Variants in INO80 observed in about 807,000 individuals in gnomAD.
The protein encoded by INO80 is INO80 complex ATPase subunit, also known as chromatin-remodeling ATPase INO80.
A neutral mutation model predicts 203.4 loss-of-function variants in INO80; 20 were observed. The ratio of observed to expected loss-of-function variants is 0.10; its 90% CI spans 0.07 to 0.14. INO80 has a LOEUF of 0.14. INO80 is among the 10% of genes least tolerant of loss of function. INO80 has a pLI of 1.00. For missense variants in INO80, 1,419 were observed against 1,914.4 expected (o/e 0.74, Z 4.83); for synonymous variants, 726 against 685.2 (o/e 1.06, Z -0.93).
intron 29 of INO80, among the ~76,000 whole-genome samples, chr15:40,994,770 T>C (rs913320111): frequency 1.3e-5 from 2 of 152,234 alleles, no homozygotes; most frequent in African/African-American, 4.8e-5. Context: ...CTTTGTTTTG[T>C]TGCATGCTGA....
At chr15:41,056,546 G>C (rs2044987831) in intron 17 of INO80, 76 bp downstream of exon 17, 1 of 1,143,716 alleles carries the variant, frequency 8.7e-7, no homozygotes, top group African/African-American at 1.5e-5. Flanking sequence ...CAAGGGAATG[G>C]GTAAAGAATT....
chr15:40,988,381 T>C (rs904548735), intron 29 of INO80, among the ~76,000 whole-genome samples: 2 of 152,230 alleles, frequency 1.3e-5, no homozygotes, highest in Admixed American at 1.3e-4. Context: ...CTGTTAAGAC[T>C]CACATATTTT....
chr15:41,087,410 C>T (rs2140644161), intron 6 of INO80, 152 bp downstream of exon 6: 1 of 811,978 alleles, frequency 1.2e-6, no homozygotes, highest in East Asian at 2.6e-5. Context: ...AAAGGGAAAA[C>T]TGTACTTGCT....
chr15:41,072,698 T>A (rs2045342446), intron 11 of INO80, among the ~76,000 whole-genome samples: 1 of 150,032 alleles, frequency 6.7e-6, no homozygotes, highest in Admixed American at 6.6e-5. Flanking sequence ...AGCAAGTTAT[T>A]ACTTAAGTGA....
At chr15:41,066,022 T>A (rs2045206680) in intron 14 of INO80, among the ~76,000 whole-genome samples, 1 of 149,906 alleles carries the variant, frequency 6.7e-6, no homozygotes, top group South Asian at 2.1e-4. Flanking sequence ...GACAGAGTTG[T>A]GCTCTTGTTG....
At chr15:41,069,902 T>C (rs2045283623) in intron 13 of INO80, among the ~76,000 whole-genome samples, 1 of 152,258 alleles carries the variant, frequency 6.6e-6, no homozygotes, top group Non-Finnish European at 1.5e-5. Flanking sequence ...TTATAGGTCT[T>C]ATCCACAAAG....
intron 25 of INO80, among the ~76,000 whole-genome samples, chr15:41,027,059 G>C (rs567895694): frequency 3.3e-5 from 5 of 152,324 alleles, no homozygotes; most frequent in Non-Finnish European, 7.4e-5. Flanking sequence ...CTTTTCAGAT[G>C]GAACAGACAT....
chr15:40,983,107 G>GAAAAAAA, intron 34 of INO80, 30 bp from the exon 35 acceptor site: 1 of 1,176,430 alleles, frequency 8.5e-7, no homozygotes, highest in Non-Finnish European at 1.2e-6. Context: ...AAAAGGGAAA[G>GAAAAAAA]AAAAAAAAAA....
chr15:41,004,535 C>G lies in INO80; in HGVS notation c.3497+1058G>C, dbSNP rs184342694. On this transcript the variant is annotated intron_variant, in intron 28 of 35. Coordinates refer to ENST00000648947, the MANE Select transcript of INO80 (RefSeq NM_017553.3). ...TGCTTTATTCCTTGGCTCTCCAGGT[C>G]TAAGGAGGAAAACTGAAGACGAAGT... 1.7e-4 allele frequency: 26 copies of G among 152,268 alleles called. No homozygotes were observed. The East Asian group carries it at 5.0e-3, about 29-fold the overall frequency. The allele number at this position is 152,268 out of a possible 1,614,324, so 9.4% of individuals were successfully genotyped here.
Position 41,091,583 on chromosome 15 carries a change from T to C in INO80, c.537+444A>G, listed in dbSNP as rs145226732. 3.5e-3 allele frequency among the ~76,000 whole-genome samples: 529 copies of C among 151,980 alleles called. 3 individuals carry two copies. Among genetic ancestry groups the C allele is most frequent in the African/African-American group, 0.012 (511 of 41,444 alleles). On this transcript the variant is annotated intron_variant, in intron 5 of 35. Coordinates refer to ENST00000648947, the MANE Select transcript of INO80 (RefSeq NM_017553.3). ...CCCTTCCTGTGTCCATGTGTTCTCA[T>C]TGTTCAGCTCCCACTTACACTCACT... is the stretch of plus-strand genomic sequence containing the variant.
intron 1 of INO80, among the ~76,000 whole-genome samples, chr15:41,102,055 G>C (rs1455163851): frequency 2.6e-5 from 4 of 152,020 alleles, no homozygotes; most frequent in African/African-American, 9.7e-5. Flanking sequence ...GCTGGGCTTG[G>C]TGGCACGCAC....
At chr15:41,100,371 G>A (rs538005327) in intron 1 of INO80, among the ~76,000 whole-genome samples, 1 of 152,292 alleles carries the variant, frequency 6.6e-6, no homozygotes, top group South Asian at 2.1e-4. Context: ...ACTGTGCCCG[G>A]CCAATGAATG....
At chr15:41,046,061 C>T (rs2044752909) in intron 23 of INO80, among the ~76,000 whole-genome samples, 1 of 151,384 alleles carries the variant, frequency 6.6e-6, no homozygotes, top group Non-Finnish European at 1.5e-5. Context: ...CTAAATGAAT[C>T]ACCAGCCTCC....
chr15:41,089,293 CA>C (rs1393246759), intron 5 of INO80, among the ~76,000 whole-genome samples: 1 of 152,180 alleles, frequency 6.6e-6, no homozygotes, highest in African/African-American at 2.4e-5. Context: ...CTTTTTACAT[CA>C]AAAGGGTCAG....
intron 1 of INO80, among the ~76,000 whole-genome samples, chr15:41,112,082 G>A (rs2045966662): frequency 6.6e-6 from 1 of 152,028 alleles, no homozygotes; most frequent in Non-Finnish European, 1.5e-5. Context: ...TTTATTTTCT[G>A]TAGAGATGAG....
chr15:41,070,099 C>CT (rs2045287155), intron 13 of INO80, among the ~76,000 whole-genome samples: 1 of 152,146 alleles, frequency 6.6e-6, no homozygotes, highest in Non-Finnish European at 1.5e-5. Flanking sequence ...GAAGAGGAAA[C>CT]TAAGCCTCAG....
At position 40,980,142 on chromosome 15, in the gene INO80, C is replaced by G; in HGVS notation, c.*81G>C. ...CTGACTCAGGATGCAAGATGCTGCA[C>G]GGGGCAAGCCATCCAAAGACCACTG... is the stretch of plus-strand genomic sequence containing the variant. On this transcript the variant is annotated 3_prime_UTR_variant, in exon 36 of 36. Transcript: ENST00000648947. 8.8e-7 allele frequency: 1 copy of G among 1,140,062 alleles called. No individual in the cohort carries two copies. The highest frequency in any genetic ancestry group is 1.3e-6 in the Non-Finnish European group (1 of 755,400). 70.6% of individuals were successfully genotyped at this position (1,140,062 alleles called of 1,614,324 possible).
chr15:41,011,955 T>G (rs187332441), intron 27 of INO80, among the ~76,000 whole-genome samples: 292 of 152,330 alleles, frequency 1.9e-3, no homozygotes, highest in African/African-American at 6.4e-3. Flanking sequence ...TTTCAGTATT[T>G]AACAATTACA....
At chr15:41,036,159 A>G (rs1027091820) in intron 24 of INO80, among the ~76,000 whole-genome samples, 1 of 136,280 alleles carries the variant, frequency 7.3e-6, no homozygotes, top group Non-Finnish European at 1.5e-5. Flanking sequence ...CTCTCTCGAA[A>G]AAAAAAAAAA....
Sources: gnomAD v4.1 joint callset for allele counts (sites outside exome capture counted in the v4.1 genomes callset) on GRCh38, gnomAD v4.1.1 for gene constraint, MANE v1.5 for transcripts, NCBI Gene and HGNC (gene_info 2026-07-23, HGNC 2026-07-21) for gene names.